The following TCERG1L variants were observed in gnomAD, a reference collection of about 807,000 sequenced individuals.
TCERG1L encodes the protein transcription elongation regulator 1-like protein.
A neutral mutation model predicts 56.3 loss-of-function variants in TCERG1L; 37 were observed. The observed-to-expected ratio is 0.66, with a 90% CI of 0.51 to 0.87. The LOEUF (loss-of-function observed/expected upper bound fraction) is 0.87, where lower values mean the gene tolerates loss of function less well. TCERG1L is among the 40% of genes least tolerant of loss of function. TCERG1L has a pLI of 0.00. For synonymous variants in TCERG1L, 324 were observed against 326.3 expected (o/e 0.99, Z 0.08); for missense variants, 799 against 774.2 (o/e 1.03, Z -0.38).
At chr10:131,162,260 T>C (rs1564804926) in intron 6 of TCERG1L, 2 of 152,156 alleles carry the variant, frequency 1.3e-5, no homozygotes. Flanking sequence ...ACTCCCAGGG[T>C]ACAGAGGAGC....
At chr10:131,257,928 G>A (rs183358300) in intron 4 of TCERG1L, among the ~76,000 whole-genome samples, 16 of 152,318 alleles carry the variant, frequency 1.1e-4, no homozygotes, top group South Asian at 1.0e-3. Flanking sequence ...ATAAAAACAG[G>A]ATTATTCTTC....
chr10:131,141,040 G>A (rs1045947843), intron 7 of TCERG1L, among the ~76,000 whole-genome samples: 1 of 152,184 alleles, frequency 6.6e-6, no homozygotes, highest in Non-Finnish European at 1.5e-5. Context: ...GATAGAAAGA[G>A]CCGCAGCAGA....
intron 4 of TCERG1L, among the ~76,000 whole-genome samples, chr10:131,256,776 G>T (rs1020234736): frequency 6.6e-6 from 1 of 151,566 alleles, no homozygotes; most frequent in African/African-American, 2.4e-5. Context: ...CGTAGCTACA[G>T]GGGAGACTGA....
chr10:131,171,131 C>T (rs1012660121), intron 4 of TCERG1L, among the ~76,000 whole-genome samples: 1 of 147,494 alleles, frequency 6.8e-6, no homozygotes, highest in Non-Finnish European at 1.5e-5. Context: ...GGTGACAGAG[C>T]GAGGCTCCAT....
intron 4 of TCERG1L, among the ~76,000 whole-genome samples, chr10:131,238,353 C>T (rs558520310): frequency 5.3e-5 from 8 of 152,308 alleles, no homozygotes; most frequent in Middle Eastern, 3.4e-3. Flanking sequence ...GAAGTCCTGA[C>T]GGAGGAGGTC....
intron 3 of TCERG1L, among the ~76,000 whole-genome samples, chr10:131,282,373 G>A (rs1589771370): frequency 7.5e-6 from 1 of 133,600 alleles, no homozygotes; most frequent in Non-Finnish European, 1.7e-5. Context: ...ATTTTTTTAA[G>A]AGTCCTGATG....
chr10:131,278,883 T>C (rs969817165), intron 3 of TCERG1L, among the ~76,000 whole-genome samples: 6 of 152,122 alleles, frequency 3.9e-5, no homozygotes, highest in African/African-American at 1.4e-4. Flanking sequence ...CTGAAAGTCC[T>C]CCCTGATGAC....
intron 3 of TCERG1L, among the ~76,000 whole-genome samples, chr10:131,293,047 C>T (rs539402179): frequency 8.5e-5 from 13 of 152,144 alleles, no homozygotes; most frequent in Middle Eastern, 3.4e-3. Context: ...GACAGCGTTT[C>T]GCCATGTTGG....
At chr10:131,141,564 T>C (rs1891803) in intron 7 of TCERG1L, among the ~76,000 whole-genome samples, 3,966 of 152,164 alleles carry the variant, frequency 0.026, 102 homozygotes, top group African/African-American at 0.027. Context: ...AAATAAAGGA[T>C]TGGTTCAGAA....
At chr10:131,306,076 C>T (rs1288146885) in intron 3 of TCERG1L, among the ~76,000 whole-genome samples, 5 of 151,948 alleles carry the variant, frequency 3.3e-5, no homozygotes, top group Admixed American at 1.3e-4. Flanking sequence ...AAAATTAAAA[C>T]GATTTACCTC....
At chr10:131,251,175 G>A (rs1846106481) in intron 4 of TCERG1L, among the ~76,000 whole-genome samples, 1 of 152,110 alleles carries the variant, frequency 6.6e-6, no homozygotes, top group African/African-American at 2.4e-5. Context: ...ATTCCACACT[G>A]CCACCTCTTC....
chr10:131,212,910 T>C (rs1017037585), intron 4 of TCERG1L, among the ~76,000 whole-genome samples: 1 of 152,228 alleles, frequency 6.6e-6, no homozygotes, highest in African/African-American at 2.4e-5. Flanking sequence ...CTAGCACCGC[T>C]GGAGTGCTTC....
intron 4 of TCERG1L, among the ~76,000 whole-genome samples, chr10:131,246,455 G>A (rs534305803): frequency 1.3e-5 from 2 of 152,208 alleles, no homozygotes; most frequent in South Asian, 4.1e-4. Context: ...AGGTGGGCAG[G>A]GCAGGCCCCA....
At chr10:131,096,782 C>T (rs1305552616) in intron 11 of TCERG1L, among the ~76,000 whole-genome samples, 1 of 151,586 alleles carries the variant, frequency 6.6e-6, no homozygotes, top group Non-Finnish European at 1.5e-5. Context: ...TGGTGGGCAC[C>T]TGTAGTCCCA....
At chr10:131,105,387 G>A (rs1845342577) in intron 9 of TCERG1L, among the ~76,000 whole-genome samples, 1 of 151,114 alleles carries the variant, frequency 6.6e-6, no homozygotes, top group Middle Eastern at 3.4e-3. Flanking sequence ...AGGGGTACAG[G>A]TTGTGCTCCA....
chr10:131,181,426 G>T (rs1474795179), intron 4 of TCERG1L, among the ~76,000 whole-genome samples: 12 of 152,212 alleles, frequency 7.9e-5, no homozygotes, highest in Non-Finnish European at 1.8e-4. Context: ...CCACAAAGTT[G>T]GGGGAGCATC....
At chr10:131,261,159 A>G (rs1156284667) in intron 3 of TCERG1L, among the ~76,000 whole-genome samples, 2 of 152,348 alleles carry the variant, frequency 1.3e-5, no homozygotes, top group Non-Finnish European at 2.9e-5. Flanking sequence ...CTTTTCTGAC[A>G]TCAATGGACG....
At chr10:131,106,622 G>A (rs1406768127) in intron 9 of TCERG1L, among the ~76,000 whole-genome samples, 3 of 152,166 alleles carry the variant, frequency 2.0e-5, no homozygotes, top group Admixed American at 6.5e-5. Flanking sequence ...AGGAGACTGA[G>A]CATTGTCTTG....
intron 6 of TCERG1L, chr10:131,161,533 A>T (rs991918637): frequency 6.6e-6 from 1 of 152,222 alleles, no homozygotes; most frequent in African/African-American, 2.4e-5. Context: ...CCTGGTAGGA[A>T]TAACACCTGT....
Sources: gnomAD v4.1 joint callset for allele counts (sites outside exome capture counted in the v4.1 genomes callset) on GRCh38, gnomAD v4.1.1 for gene constraint, MANE v1.5 for transcripts, NCBI Gene and HGNC (gene_info 2026-07-23, HGNC 2026-07-21) for gene names.